Variants in ABHD2 observed in about 807,000 individuals in gnomAD.
The protein encoded by ABHD2 is abhydrolase domain containing 2, acylglycerol lipase.
In ABHD2, 20 loss-of-function variants were observed where a neutral mutation model predicts 48.1. The ratio of observed to expected loss-of-function variants is 0.42; its 90% CI spans 0.29 to 0.60. The LOEUF is 0.60. Among genes scored for constraint, ABHD2 ranks in the 20% least tolerant of loss-of-function variants. The pLI, the probability that ABHD2 is intolerant of heterozygous loss-of-function variation, is 0.24. For missense variants in ABHD2, 405 were observed against 550.9 expected, an observed-to-expected ratio of 0.74 and a Z score of 2.65; for synonymous variants, 209 against 214.2, an observed-to-expected ratio of 0.98 and a Z score of 0.21.
At position 89,102,751 on chromosome 15, in the gene ABHD2, A is replaced by G. The variant is rs530014760; in HGVS notation, c.-106-10974A>G. On this transcript the variant is annotated intron_variant, in intron 1 of 10. Coordinates refer to ENST00000352732, the MANE Select transcript of ABHD2 (RefSeq NM_152924.5). The surrounding 1 kb of genome is among the most constrained non-coding windows in gnomAD (Gnocchi z 4.8). ...CTCCTGAGGAGTGAGTGGCGTAGCT[A>G]TCTGCTTCATGTGGGGCGCTCCTGC... Among the ~76,000 whole-genome samples the G allele has an allele frequency of 2.4e-4, 37 of 152,346 alleles. 1 individual carries two copies. In the South Asian group the frequency reaches 7.7e-3, roughly 32 times the overall value.
intron 5 of ABHD2, among the ~76,000 whole-genome samples, chr15:89,172,782 G>T (rs972159228): frequency 6.6e-6 from 1 of 152,118 alleles, no homozygotes; most frequent in African/African-American, 2.4e-5. Context: ...GGAGAGTTTG[G>T]TAACTTACCC....
At chr15:89,058,463 G>A in the ABHD2 span, among the ~76,000 whole-genome samples, 1 of 152,180 alleles carries the variant, frequency 6.6e-6, no homozygotes, top group Non-Finnish European at 1.5e-5. Context: ...AATTTGGACA[G>A]AAACTCTGGG....
chr15:89,054,312 A>T, the ABHD2 span, among the ~76,000 whole-genome samples: 8 of 129,280 alleles, frequency 6.2e-5, no homozygotes, highest in Non-Finnish European at 1.1e-4. Flanking sequence ...ACAGGGCAAG[A>T]CTCTGTCTCA....
chr15:89,183,384 A>AAAAAATTT (rs61602174), intron 6 of ABHD2: 1 of 46,268 alleles, frequency 2.2e-5, no homozygotes, highest in East Asian at 7.7e-4. Flanking sequence ...AAAAAAAAAA[A>AAAAAATTT]ATATATATAT....
At chr15:89,156,482 C>T (rs1408224296) in intron 5 of ABHD2, among the ~76,000 whole-genome samples, 1 of 152,098 alleles carries the variant, frequency 6.6e-6, no homozygotes. Context: ...AAAACCAACC[C>T]CTCACCATAA....
intron 3 of ABHD2, among the ~76,000 whole-genome samples, chr15:89,143,167 A>G (rs1214518128): frequency 6.6e-6 from 1 of 152,208 alleles, no homozygotes; most frequent in Non-Finnish European, 1.5e-5. Context: ...TAGTTCCACC[A>G]AGTCCAATTC....
chr15:89,064,919 G>A, the ABHD2 span, among the ~76,000 whole-genome samples: 1 of 152,056 alleles, frequency 6.6e-6, no homozygotes, highest in African/African-American at 2.4e-5. Flanking sequence ...AGAAGCACCT[G>A]CAGGCCCTGC....
intron 6 of ABHD2, among the ~76,000 whole-genome samples, chr15:89,180,392 A>C (rs996266382): frequency 6.6e-6 from 1 of 152,224 alleles, no homozygotes; most frequent in Non-Finnish European, 1.5e-5. Flanking sequence ...GTAGGTGGCC[A>C]TCCCTACTCT....
intron 4 of ABHD2, among the ~76,000 whole-genome samples, chr15:89,153,557 C>G (rs982772204): frequency 6.6e-6 from 1 of 152,200 alleles, no homozygotes; most frequent in African/African-American, 2.4e-5. Context: ...AGTGATTCTT[C>G]CTTGTACTTG....
At chr15:89,058,733 T>C in the ABHD2 span, among the ~76,000 whole-genome samples, 16 of 152,264 alleles carry the variant, frequency 1.1e-4, no homozygotes, top group South Asian at 2.9e-3. Flanking sequence ...TGTCCAATGA[T>C]TGGCAGCAGG....
In ABHD2 at chr15:89,177,623, C is replaced by T. The variant is rs1325749497; in HGVS notation, c.722+1628C>T. Among the ~76,000 whole-genome samples the T allele has an allele frequency of 1.3e-5, 2 of 152,138 alleles. No individual in the cohort carries two copies. Among genetic ancestry groups the T allele is most frequent in the African/African-American group, 4.8e-5 (2 of 41,416 alleles). On this transcript the variant is annotated intron_variant, in intron 6 of 10. Coordinates refer to ENST00000352732, the MANE Select transcript of ABHD2 (RefSeq NM_152924.5). The surrounding 1 kb of genome is among the most constrained non-coding windows in gnomAD (Gnocchi z 5.6). ...CTCGCGTTCCAGGACCAGGCTAGTC[C>T]CCCATCTTCCTACCAGGAATCTTTT...
rs1427958480 is a variant in ABHD2, at chr15:89,114,931, T to C, written c.-7+1107T>C. Among the ~76,000 whole-genome samples, 1 of 152,248 alleles carries C rather than the reference T, an allele frequency of 6.6e-6. No individual in the cohort carries two copies. Among genetic ancestry groups the C allele is most frequent in the East Asian group, 1.9e-4 (1 of 5,200 alleles). On this transcript the variant is annotated intron_variant, in intron 2 of 10. Transcript: ENST00000352732. This position sits in a 1 kb window ranked among gnomAD's most constrained non-coding sequence, Gnocchi z 4.2. The stretch of plus-strand genomic sequence containing the variant: ...GATGGTGGAAGACTAGTTACGGAGC[T>C]GTGATCTTTTACTTCCATTCATTAC...
the ABHD2 span, among the ~76,000 whole-genome samples, chr15:89,079,800 T>A: frequency 6.6e-6 from 1 of 152,194 alleles, no homozygotes; most frequent in African/African-American, 2.4e-5. The surrounding 1 kb of genome is among the most constrained non-coding windows in gnomAD (Gnocchi z 4.3). Flanking sequence ...TAGCTCAGCA[T>A]GATGGAAAAG....
At chr15:89,087,592 A>C (rs1640281708), upstream of ABHD2, 1 of 152,174 alleles carries the variant, frequency 6.6e-6, no homozygotes, top group Non-Finnish European at 1.5e-5. This position sits in a 1 kb window ranked among gnomAD's most constrained non-coding sequence, Gnocchi z 5.5. Context: ...CATTTATCAG[A>C]GTTTATTTAA....
chr15:89,101,376 C>T (rs2049697919), intron 1 of ABHD2, among the ~76,000 whole-genome samples: 1 of 152,126 alleles, frequency 6.6e-6, no homozygotes. Context: ...TGCTGACAGC[C>T]CAGGCCACAG....
the ABHD2 span, among the ~76,000 whole-genome samples, chr15:89,052,847 T>C: frequency 6.6e-6 from 1 of 152,152 alleles, no homozygotes. Context: ...GGATGTACCC[T>C]TTGCCTTTCA....
the ABHD2 span, among the ~76,000 whole-genome samples, chr15:89,052,542 G>GGCAGACAC: frequency 9.7e-3 from 1,342 of 139,024 alleles, 18 homozygotes; most frequent in South Asian, 0.032. Context: ...CAGACAGACA[G>GGCAGACAC]ACAGACAGAC....
chr15:89,060,867 A>G, the ABHD2 span, among the ~76,000 whole-genome samples: 1 of 152,142 alleles, frequency 6.6e-6, no homozygotes, highest in African/African-American at 2.4e-5. Flanking sequence ...TCAAGACTGT[A>G]TATGCAATGT....
the ABHD2 span, among the ~76,000 whole-genome samples, chr15:89,073,488 A>G: frequency 6.6e-6 from 1 of 152,028 alleles, no homozygotes; most frequent in Non-Finnish European, 1.5e-5. Flanking sequence ...GTAGAGACAG[A>G]ATGTCACAAT....
Sources: allele counts gnomAD v4.1 joint callset (sites outside exome capture counted in the v4.1 genomes callset), GRCh38; gene constraint gnomAD v4.1.1; non-coding constraint Gnocchi (gnomAD v3.1); transcripts MANE v1.5; gene names NCBI Gene and HGNC (gene_info 2026-07-23, HGNC 2026-07-21).